The following SPTBN5 variants were observed in gnomAD, a reference collection of about 807,000 sequenced individuals.
SPTBN5 encodes spectrin beta chain, non-erythrocytic 5.
In SPTBN5, 513 loss-of-function variants were observed where a neutral mutation model predicts 477.6. The observed-to-expected ratio is 1.07, with a 90% CI of 1.00 to 1.16. The LOEUF (loss-of-function observed/expected upper bound fraction) is 1.16. Among genes scored for constraint, SPTBN5 ranks in the 50% most tolerant of loss-of-function variants. The probability of loss-of-function intolerance (pLI) is 0.00; values close to 1 mark genes in which losing one functional copy is unlikely to be tolerated. For missense variants in SPTBN5, 5,062 were observed against 4,731.8 expected (o/e 1.07, Z -2.05); for synonymous variants, 2,169 against 2,011.7 (o/e 1.08, Z -2.09).
rs1187739901 is a variant in SPTBN5, at chr15:41,855,224, C to T, written c.9423G>A (p.Lys3141=). The change falls in exon 55 of 68, where the codon AAG becomes AAA. Residue 3141 remains lysine (K), a splice_region_variant and synonymous_variant. Transcript: ENST00000320955. ...TGAGGTTTGCTCAGGAGTAACTCAC[C>T]TTGACACCCTCCAGGTCCTGCCCGT... The part of the protein sequence containing the change: ...QDYGQDLEGV[K]VLEEKFDAFR... 5.0e-6 allele frequency: 8 copies of T among 1,608,682 alleles called. No homozygotes were observed. The East Asian group carries it at 1.3e-4, about 27-fold the overall frequency.
At chr15:41,870,652 T>C in intron 29 of SPTBN5, 92 bp from the exon 30 acceptor site, 1 of 1,074,150 alleles carries the variant, frequency 9.3e-7, no homozygotes, top group Non-Finnish European at 1.3e-6. Flanking sequence ...CGCTCCTCTC[T>C]GAGTTGTATC....
chr15:41,872,814 A>G (rs922764629), intron 26 of SPTBN5, among the ~76,000 whole-genome samples: 1 of 152,228 alleles, frequency 6.6e-6, no homozygotes, highest in Non-Finnish European at 1.5e-5. Flanking sequence ...CAAGCTGTCC[A>G]GTATAGCCGG....
intron 22 of SPTBN5, among the ~76,000 whole-genome samples, 154 bp from the exon 23 acceptor site, chr15:41,875,210 C>T (rs1235238965): frequency 6.6e-6 from 1 of 152,246 alleles, no homozygotes; most frequent in Middle Eastern, 3.2e-3. Context: ...GCCCAATCTT[C>T]CCCTGTTCCC....
chr15:41,856,268 G>A, intron 53 of SPTBN5, 118 bp downstream of exon 53: 1 of 910,614 alleles, frequency 1.1e-6, no homozygotes, highest in Non-Finnish European at 1.6e-6. Flanking sequence ...GGGGGCAGGA[G>A]ACCACTGAGT....
intron 67 of SPTBN5, 38 bp from the exon 68 acceptor site, chr15:41,848,666 C>T: frequency 6.2e-7 from 1 of 1,613,194 alleles, no homozygotes; most frequent in Non-Finnish European, 8.5e-7. Flanking sequence ...AGGGTATGGC[C>T]ACCCCAGAAT....
rs763718391 is a variant in SPTBN5, at chr15:41,878,423, A to C, written c.3389T>G (p.Val1130Gly). The C allele has an allele frequency of 6.8e-6, 11 of 1,612,958 alleles. No homozygotes were observed. In the Admixed American group the frequency reaches 1.8e-4, roughly 27 times the overall value. Residue 1130 changes from valine to glycine, a missense_variant, in exon 17 of 68, where the codon GTG becomes GGG. Transcript: ENST00000320955. ...SVQAQLRSKE[V>G]SVDVASAQRL... ...CTGAGCCGAGGCCACATCCACTGAC[A>C]CCTCCTTGCTGCGCAGCTGAGCCTG...
rs867257141 is a variant in SPTBN5, at chr15:41,883,027, G to A, written c.1861C>T (p.Gln621Ter). The A allele has an allele frequency of 6.4e-7, 1 of 1,554,620 alleles. No individual in the cohort carries two copies. The highest frequency in any genetic ancestry group is 1.2e-5 in the South Asian group (1 of 85,294). ...CTGACAAGAGCCACCAGGCTCTGTT[G>A]GAGCTGGGCCAGTGTCCTGGCCTTG... ...QAKARTLAQL[Q>*]QSLVALVRAR... The change falls in exon 9 of 68, where the codon CAA becomes TAA. Residue 621 changes from glutamine to a stop codon, truncating the protein, a stop_gained. Coordinates refer to ENST00000320955, the MANE Select transcript of SPTBN5 (RefSeq NM_016642.4). LOFTEE classifies it high-confidence loss of function.
Position 41,877,682 on chromosome 15 carries a change from A to G in SPTBN5, c.3471-326T>C, listed in dbSNP as rs191831063. Reference sequence around the variant, plus strand: ...CCATGGAGGCTTTGAACAATCAGAAAAGGTGCTCCTTTCAGCAGGTGGCTT... The same window carrying G: ...CCATGGAGGCTTTGAACAATCAGAAGAGGTGCTCCTTTCAGCAGGTGGCTT... On this transcript the variant is annotated intron_variant, in intron 17 of 67. Coordinates refer to ENST00000320955, the MANE Select transcript of SPTBN5 (RefSeq NM_016642.4). Among the ~76,000 whole-genome samples the G allele has an allele frequency of 2.2e-3, 334 of 152,178 alleles. 2 individuals carry two copies. Among genetic ancestry groups the G allele is most frequent in the African/African-American group, 7.6e-3 (316 of 41,412 alleles).
rs777468367 is a variant in SPTBN5, at chr15:41,852,781, C to CGG, written c.10347+42_10347+43insCC. Reference sequence around the variant, plus strand: ...GTGACGCCCAGCTTGGGGGGGGGGGCCCAGAGCCTGGTAGCCAGCTAAGGG... The same window carrying CGG: ...GTGACGCCCAGCTTGGGGGGGGGGGCGGCCAGAGCCTGGTAGCCAGCTAAGGG... On this transcript the variant is annotated intron_variant, in intron 60 of 67. Transcript: ENST00000320955. 45 of 1,561,246 alleles carry CGG rather than the reference C, an allele frequency of 2.9e-5. 1 individual carries two copies. The highest frequency in any genetic ancestry group is 1.7e-5 in the Non-Finnish European group (20 of 1,144,890).
chr15:41,868,497 C>T lies in SPTBN5; in HGVS notation c.5958G>A (p.Gln1986=), dbSNP rs749425658. The T allele has an allele frequency of 1.2e-6, 2 of 1,611,108 alleles. No individual in the cohort carries two copies. Among genetic ancestry groups the T allele is most frequent in the Non-Finnish European group, 1.7e-6 (2 of 1,179,780 alleles). The change falls in exon 33 of 68, where the codon CAG becomes CAA. Residue 1986 remains glutamine (Q), a synonymous_variant. Transcript: ENST00000320955. The stretch of plus-strand genomic sequence containing the variant: ...GGGCCTCCAGCTCCGCCCGGAGCCA[C>T]TGGTGGGCACTGAGCTTCAGCGGGC... ...SSGPLKLSAH[Q]WLRAELEARE...
chr15:41,863,700 G>T lies in SPTBN5; in HGVS notation c.7149+4C>A, dbSNP rs761317964. The stretch of plus-strand genomic sequence containing the variant: ...CCCCACCGGGACCTCTTTCCACCAC[G>T]TACCTTCTCCTGAATCCTCTTGGTG... On this transcript the variant is annotated splice_donor_region_variant and intron_variant, in intron 41 of 67. Transcript: ENST00000320955. 6.2e-7 allele frequency: 1 copy of T among 1,611,220 alleles called. No individual in the cohort carries two copies.
intron 56 of SPTBN5, 108 bp from the exon 57 acceptor site, chr15:41,854,313 TG>T: frequency 8.8e-7 from 1 of 1,142,424 alleles, no homozygotes; most frequent in Non-Finnish European, 1.2e-6. Context: ...AGGAGGATCA[TG>T]GGGCTTGATG....
In SPTBN5 at chr15:41,876,667, T is replaced by TGGGGG. The variant is rs2066744097; in HGVS notation, c.3852-21_3852-20insCCCCC. Reference sequence around the variant, plus strand: ...CTGACCCTGGAGGGCGGGGGGGGGTTGGAGGAGGGCATGGGAGAGGACTCC... The same window carrying TGGGGG: ...CTGACCCTGGAGGGCGGGGGGGGGTTGGGGGGGAGGAGGGCATGGGAGAGGACTCC... On this transcript the variant is annotated intron_variant, in intron 19 of 67. Coordinates refer to ENST00000320955, the MANE Select transcript of SPTBN5 (RefSeq NM_016642.4). 1 of 1,393,106 alleles carries TGGGGG rather than the reference T, an allele frequency of 7.2e-7. No homozygotes were observed. The highest frequency in any genetic ancestry group is 1.0e-6 in the Non-Finnish European group (1 of 996,964). 86.3% of individuals were successfully genotyped at this position (1,393,106 alleles called of 1,614,324 possible).
chr15:41,862,514 G>C (rs531931913), intron 43 of SPTBN5, 25 bp downstream of exon 43: 12 of 1,576,276 alleles, frequency 7.6e-6, no homozygotes, highest in Middle Eastern at 1.9e-4. Context: ...ATGGGTCGGC[G>C]AGGGCAAGGC....
At chr15:41,855,043 A>G in intron 55 of SPTBN5, 67 bp from the exon 56 acceptor site, 1 of 1,483,424 alleles carries the variant, frequency 6.7e-7, no homozygotes, top group Non-Finnish European at 9.0e-7. Context: ...GCTCATGAAG[A>G]GCTCAGCAGA....
At chr15:41,865,966 T>C in intron 38 of SPTBN5, 63 bp from the exon 39 acceptor site, 1 of 1,545,590 alleles carries the variant, frequency 6.5e-7, no homozygotes, top group Non-Finnish European at 8.7e-7. Context: ...TGGCACCTGC[T>C]GCTGGGGATC....
intron 16 of SPTBN5, 116 bp downstream of exon 16, chr15:41,879,144 C>T (rs993899487): frequency 3.2e-6 from 4 of 1,259,028 alleles, no homozygotes; most frequent in African/African-American, 1.5e-5. Context: ...TTTGCCACAG[C>T]CCTCCTACCT....
At chr15:41,880,436 G>T in intron 13 of SPTBN5, 124 bp from the exon 14 acceptor site, 1 of 1,060,708 alleles carries the variant, frequency 9.4e-7, no homozygotes, top group South Asian at 1.7e-5. Flanking sequence ...AGGGCCAGAG[G>T]GGGTCCCTGC....
intron 67 of SPTBN5, among the ~76,000 whole-genome samples, chr15:41,849,303 C>A (rs2065667226): frequency 6.6e-6 from 1 of 152,212 alleles, no homozygotes; most frequent in Non-Finnish European, 1.5e-5. Context: ...GCCTCCTGCC[C>A]CTGCACATCC....
Sources: gnomAD v4.1 joint callset for allele counts (sites outside exome capture counted in the v4.1 genomes callset) on GRCh38, gnomAD v4.1.1 for gene constraint, MANE v1.5 for transcripts, NCBI Gene and HGNC (gene_info 2026-07-23, HGNC 2026-07-21) for gene names.